The following NBAS variants were observed in gnomAD, a reference collection of about 807,000 sequenced individuals.
The protein encoded by NBAS is NAG/BC035112 fusion.
NBAS carries 219 observed loss-of-function variants against 302.5 expected under a neutral mutation model. The observed-to-expected ratio is 0.72, with a 90% confidence interval of 0.65 to 0.81. The LOEUF (loss-of-function observed/expected upper bound fraction) is 0.81, where lower values mean the gene tolerates loss of function less well. NBAS is among the 30% of genes least tolerant of loss of function. The probability of loss-of-function intolerance (pLI) is 0.00; values close to 1 mark genes in which losing one functional copy is unlikely to be tolerated. For missense variants in NBAS, 2,932 were observed against 2,841.6 expected (o/e 1.03, Z -0.72); for synonymous variants, 1,118 against 1,021.6 (o/e 1.09, Z -1.80).
intron 35 of NBAS, among the ~76,000 whole-genome samples, chr2:15,335,194 A>G (rs1456159022): frequency 6.6e-6 from 1 of 151,450 alleles, no homozygotes; most frequent in African/African-American, 2.4e-5. Flanking sequence ...AAAAAAAAAA[A>G]AAAATTGTTC....
the NBAS span, among the ~76,000 whole-genome samples, chr2:15,122,137 T>G: frequency 7.9e-5 from 12 of 151,698 alleles, no homozygotes; most frequent in Admixed American, 3.3e-4. Context: ...TTAGCCTGTT[T>G]TTTTTTTTTT....
the NBAS span, among the ~76,000 whole-genome samples, chr2:14,808,270 A>G: frequency 6.6e-6 from 1 of 152,194 alleles, no homozygotes; most frequent in South Asian, 2.1e-4. Flanking sequence ...GCCCAAGAAG[A>G]CATTCTCTGA....
chr2:15,240,066 T>A (rs1337739549), intron 44 of NBAS, among the ~76,000 whole-genome samples: 1 of 152,196 alleles, frequency 6.6e-6, no homozygotes, highest in Non-Finnish European at 1.5e-5. Flanking sequence ...TTCTGTCAGC[T>A]ACTCAAGTAC....
At chr2:15,149,948 A>G in the NBAS span, among the ~76,000 whole-genome samples, 1 of 151,784 alleles carries the variant, frequency 6.6e-6, no homozygotes, top group Admixed American at 6.6e-5. Flanking sequence ...AGTGGCTCAC[A>G]TCTGTAGTCC....
At chr2:14,885,042 C>T in the NBAS span, among the ~76,000 whole-genome samples, 1 of 152,146 alleles carries the variant, frequency 6.6e-6, no homozygotes, top group South Asian at 2.1e-4. Context: ...GCCTTGAAGA[C>T]CAGGCCCAGG....
chr2:15,546,091 C>A (rs1460784766), intron 6 of NBAS, among the ~76,000 whole-genome samples: 3 of 152,200 alleles, frequency 2.0e-5, no homozygotes, highest in Non-Finnish European at 2.9e-5. Context: ...GAAAGTGCTT[C>A]TTAAACTTCA....
the NBAS span, among the ~76,000 whole-genome samples, chr2:14,899,156 TTCTTAATGCCTGGAC>T: frequency 6.6e-6 from 1 of 152,176 alleles, no homozygotes; most frequent in South Asian, 2.1e-4. Context: ...CTTCCAGGTT[TTCTTAATGCCTGGAC>T]TCAAAGCCCA....
the NBAS span, among the ~76,000 whole-genome samples, chr2:15,107,934 A>G: frequency 0.028 from 4,300 of 152,090 alleles, 201 homozygotes; most frequent in African/African-American, 0.097. Context: ...ATGGAATCAT[A>G]TAGTATCTGG....
chr2:15,352,814 G>A (rs1192755101), intron 34 of NBAS, among the ~76,000 whole-genome samples: 1 of 152,130 alleles, frequency 6.6e-6, no homozygotes, highest in Non-Finnish European at 1.5e-5. Context: ...ATCTTATCAG[G>A]AAGCTGCTGA....
intron 6 of NBAS, among the ~76,000 whole-genome samples, chr2:15,546,240 T>A (rs777340950): frequency 6.6e-6 from 1 of 152,248 alleles, no homozygotes; most frequent in Non-Finnish European, 1.5e-5. Context: ...TGATAGTATT[T>A]ATCTCTTGGT....
At chr2:15,426,611 C>G (rs1677491629) in intron 22 of NBAS, among the ~76,000 whole-genome samples, 1 of 152,116 alleles carries the variant, frequency 6.6e-6, no homozygotes, top group Admixed American at 6.6e-5. Context: ...TCTCTTAATT[C>G]TGTTTCTATT....
At chr2:14,841,170 A>G in the NBAS span, among the ~76,000 whole-genome samples, 85,081 of 151,666 alleles carry the variant, frequency 0.56, 26,208 homozygotes, top group African/African-American at 0.84. Context: ...TGATAACCAC[A>G]ATGGAAAAAC....
At chr2:14,794,256 T>C in the NBAS span, among the ~76,000 whole-genome samples, 2 of 152,198 alleles carry the variant, frequency 1.3e-5, no homozygotes, top group Non-Finnish European at 2.9e-5. Flanking sequence ...TGGGCGCGCA[T>C]CCTTAACTTT....
chr2:15,214,810 G>A (rs1428771304), intron 48 of NBAS, among the ~76,000 whole-genome samples: 1 of 152,116 alleles, frequency 6.6e-6, no homozygotes, highest in Non-Finnish European at 1.5e-5. Context: ...CTGAAAAGAA[G>A]GGTTAATATG....
intron 26 of NBAS, chr2:15,397,358 A>T (rs1169244294): frequency 2.1e-5 from 5 of 240,126 alleles, no homozygotes; most frequent in South Asian, 7.1e-5. Context: ...TTTATTTTTT[A>T]TTTTTTTTTC....
At chr2:15,299,630 A>C (rs745906658) in intron 40 of NBAS, among the ~76,000 whole-genome samples, 39 of 152,208 alleles carry the variant, frequency 2.6e-4, no homozygotes, top group Non-Finnish European at 4.9e-4. Context: ...TTGCTTCCCT[A>C]GTCTATAAAA....
Position 15,234,680 on chromosome 2 carries a change from T to G in NBAS, c.6011A>C (p.Glu2004Ala), listed in dbSNP as rs1667516549. Residue 2004 changes from glutamate (E) to alanine (A), a missense_variant, in exon 46 of 52, where the codon GAA (glutamate) becomes GCA (alanine). Glu to Ala is a moderately radical substitution (Grantham distance 107, BLOSUM62 -1). Transcript: ENST00000281513. ...SRSEKEKLHDEAVAICLDGQP... is the reference protein window; with the variant it reads ...SRSEKEKLHDAAVAICLDGQP... ...ACCATCTAAACAAATAGCCACAGCT[T>G]CATCATGAAGTTTCTCTTTTTCTGA... 1.2e-6 allele frequency: 2 copies of G among 1,614,178 alleles called. No individual in the cohort carries two copies. The highest frequency in any genetic ancestry group is 1.7e-6 in the Non-Finnish European group (2 of 1,180,010).
At chr2:14,946,327 C>T in the NBAS span, among the ~76,000 whole-genome samples, 53 of 152,070 alleles carry the variant, frequency 3.5e-4, no homozygotes, top group Admixed American at 7.2e-4. Context: ...ATCCTAAAAG[C>T]GGCAAGGGAA....
intron 51 of NBAS, chr2:15,177,852 C>T (rs970948014): frequency 8.2e-6 from 2 of 243,220 alleles, no homozygotes; most frequent in Admixed American, 5.0e-5. Flanking sequence ...AAGAGGCCTT[C>T]GTTCTGATTA....
Sources: gnomAD v4.1 joint callset for allele counts (sites outside exome capture counted in the v4.1 genomes callset) on GRCh38, gnomAD v4.1.1 for gene constraint, MANE v1.5 for transcripts, NCBI Gene and HGNC (gene_info 2026-07-23, HGNC 2026-07-21) for gene names.